Variants in EYS observed in about 807,000 individuals in gnomAD.
The protein encoded by EYS is protein eyes shut homolog.
A neutral mutation model predicts 282.1 loss-of-function variants in EYS; 250 were observed. That is an observed-to-expected ratio of 0.89 (90% confidence interval 0.80 to 0.98). The LOEUF (loss-of-function observed/expected upper bound fraction) is 0.98. EYS is among the 50% of genes least tolerant of loss of function. EYS has a pLI of 0.00. For synonymous variants in EYS, 1,355 were observed against 1,282.9 expected (o/e 1.06, Z -1.20); for missense variants, 4,016 against 3,709.0 (o/e 1.08, Z -2.15).
chr6:64,014,469 CAG>C (rs1242177773), intron 33 of EYS, among the ~76,000 whole-genome samples: 2 of 152,122 alleles, frequency 1.3e-5, no homozygotes, highest in East Asian at 1.9e-4. Context: ...TATGAAGAAA[CAG>C]AAAATATTTT....
intron 2 of EYS, among the ~76,000 whole-genome samples, chr6:65,639,291 T>C (rs1767198999): frequency 6.6e-6 from 1 of 152,118 alleles, no homozygotes; most frequent in Non-Finnish European, 1.5e-5. Context: ...TTAAGTCAAG[T>C]TTCAGGAAGA....
intron 29 of EYS, among the ~76,000 whole-genome samples, chr6:64,334,964 T>C (rs1332482832): frequency 6.6e-6 from 1 of 152,066 alleles, no homozygotes; most frequent in East Asian, 1.9e-4. Context: ...CCCTGTCTCC[T>C]GACACTTCTC....
rs948704163 is a variant in EYS, at chr6:65,055,633, T to G, written c.2137+1981A>C. 4.9e-4 allele frequency among the ~76,000 whole-genome samples: 74 copies of G among 152,064 alleles called. 2 individuals carry two copies. The highest frequency in any genetic ancestry group is 4.9e-3 in the Admixed American group (74 of 15,232). ...TCTTGGCTTTGAAAGTTTCTCAGAC[T>G]TTTCTTGCTTTTGATGACCTTAACA... On this transcript the variant is annotated intron_variant, in intron 13 of 42. Transcript: ENST00000503581.
chr6:63,891,625 A>G (rs7748577), intron 35 of EYS, among the ~76,000 whole-genome samples: 48,896 of 151,956 alleles, frequency 0.32, 8,073 homozygotes, highest in Admixed American at 0.38. Flanking sequence ...CCCATGGCCA[A>G]TCATACTGAA....
intron 19 of EYS, among the ~76,000 whole-genome samples, chr6:64,870,056 G>A (rs1386202393): frequency 2.0e-5 from 3 of 151,580 alleles, no homozygotes; most frequent in African/African-American, 4.8e-5. Flanking sequence ...CACTAAATAC[G>A]AGGGTGAGAG....
intron 12 of EYS, among the ~76,000 whole-genome samples, chr6:65,162,893 C>G (rs886983964): frequency 3.6e-5 from 5 of 140,544 alleles, no homozygotes; most frequent in African/African-American, 1.3e-4. Context: ...GTCACTGCAA[C>G]AAGGCCTCCT....
At chr6:64,003,240 A>T (rs1027740104) in intron 33 of EYS, among the ~76,000 whole-genome samples, 1 of 152,130 alleles carries the variant, frequency 6.6e-6, no homozygotes, top group Non-Finnish European at 1.5e-5. Flanking sequence ...TGTTTGTGGG[A>T]GCTAAAATTT....
At chr6:64,092,385 C>G (rs950157149) in intron 31 of EYS, among the ~76,000 whole-genome samples, 11 of 152,142 alleles carry the variant, frequency 7.2e-5, no homozygotes, top group African/African-American at 2.7e-4. Context: ...AAAAGTGTTC[C>G]TATTTCTCCA....
At chr6:64,547,944 A>G (rs1186705044) in intron 26 of EYS, among the ~76,000 whole-genome samples, 3 of 152,208 alleles carry the variant, frequency 2.0e-5, no homozygotes, top group East Asian at 3.9e-4. Context: ...CTCACTGCCC[A>G]GTGCCAGCAG....
chr6:64,120,471 A>G (rs1323726210), intron 31 of EYS, among the ~76,000 whole-genome samples: 1 of 151,916 alleles, frequency 6.6e-6, no homozygotes, highest in African/African-American at 2.4e-5. Context: ...TATTCAAACT[A>G]CTTTCTAAAA....
intron 33 of EYS, among the ~76,000 whole-genome samples, chr6:64,030,909 G>A (rs193022606): frequency 9.8e-5 from 15 of 152,312 alleles, no homozygotes; most frequent in Admixed American, 3.9e-4. Context: ...CCCCTTCATC[G>A]TCCCTATCCA....
At chr6:64,082,912 C>CTT (rs34941425) in intron 31 of EYS, among the ~76,000 whole-genome samples, 98 of 142,542 alleles carry the variant, frequency 6.9e-4, no homozygotes, top group South Asian at 4.0e-3. Context: ...AATGCAACTT[C>CTT]TTTTTTTTTT....
At chr6:63,755,092 C>T (rs1562010706) in intron 41 of EYS, among the ~76,000 whole-genome samples, 1 of 151,888 alleles carries the variant, frequency 6.6e-6, no homozygotes, top group Non-Finnish European at 1.5e-5. Flanking sequence ...GGATATTTGC[C>T]GTTTTTCAGA....
At chr6:63,841,261 A>G (rs911146380) in intron 36 of EYS, among the ~76,000 whole-genome samples, 4 of 152,194 alleles carry the variant, frequency 2.6e-5, no homozygotes, top group African/African-American at 9.6e-5. Flanking sequence ...AATCATTTCT[A>G]TATTAGGTTT....
At chr6:65,343,929 T>G in intron 10 of EYS, 109 bp downstream of exon 10, 1 of 926,594 alleles carries the variant, frequency 1.1e-6, no homozygotes, top group South Asian at 1.4e-5. Flanking sequence ...GCAAACTATA[T>G]ATTTTGAATA....
At chr6:65,420,206 T>A (rs2150376451) in intron 5 of EYS, among the ~76,000 whole-genome samples, 1 of 152,078 alleles carries the variant, frequency 6.6e-6, no homozygotes, top group Non-Finnish European at 1.5e-5. Flanking sequence ...ACAATAGAAC[T>A]TTTTTCAGAA....
At chr6:64,764,174 C>T (rs1406789369) in intron 22 of EYS, among the ~76,000 whole-genome samples, 1 of 152,234 alleles carries the variant, frequency 6.6e-6, no homozygotes, top group Non-Finnish European at 1.5e-5. Flanking sequence ...GGGGCTCCAA[C>T]CACACATTTC....
intron 35 of EYS, among the ~76,000 whole-genome samples, chr6:63,922,525 T>G (rs1310657867): frequency 6.6e-6 from 1 of 152,118 alleles, no homozygotes; most frequent in Non-Finnish European, 1.5e-5. Flanking sequence ...ATCATGCCAC[T>G]GCACTCCAGC....
intron 35 of EYS, among the ~76,000 whole-genome samples, chr6:63,933,986 A>T (rs1764975532): frequency 6.6e-6 from 1 of 152,120 alleles, no homozygotes; most frequent in African/African-American, 2.4e-5. Context: ...ATGGGAGAAA[A>T]TTTTTGCAAT....
Sources: gnomAD v4.1 joint callset for allele counts (sites outside exome capture counted in the v4.1 genomes callset) on GRCh38, gnomAD v4.1.1 for gene constraint, MANE v1.5 for transcripts, NCBI Gene and HGNC (gene_info 2026-07-23, HGNC 2026-07-21) for gene names.